Variants in MDGA2 observed in about 807,000 individuals in gnomAD.
The protein encoded by MDGA2 is MAM domain containing glycosylphosphatidylinositol anchor 2.
MDGA2 carries 40 observed loss-of-function variants against 117.8 expected under a neutral mutation model. The observed-to-expected ratio is 0.34, with a 90% CI of 0.26 to 0.44. MDGA2 has a LOEUF of 0.44. Ranked by LOEUF, MDGA2 falls within the 20% of genes least tolerant of loss-of-function variation. The probability of loss-of-function intolerance (pLI) is 1.00; values close to 1 mark genes in which losing one functional copy is unlikely to be tolerated. For synonymous variants in MDGA2, 452 were observed against 439.0 expected (o/e 1.03, Z -0.37); for missense variants, 1,123 against 1,250.6 (o/e 0.90, Z 1.54).
At chr14:47,420,327 G>A (rs1396689196) in intron 1 of MDGA2, among the ~76,000 whole-genome samples, 5 of 152,096 alleles carry the variant, frequency 3.3e-5, no homozygotes, top group Non-Finnish European at 4.4e-5. Flanking sequence ...AAATGTGGAA[G>A]GAATGAGATA....
In MDGA2 at chr14:47,540,540, G is replaced by GTGTGTGTGTGTGTGTGTATATA; in HGVS notation, c.280+133976_280+133977insTATATACACACACACACACACA. Among the ~76,000 whole-genome samples, 390 of 79,132 alleles carry GTGTGTGTGTGTGTGTGTATATA rather than the reference G, an allele frequency of 4.9e-3. 4 individuals are homozygous for GTGTGTGTGTGTGTGTGTATATA. The highest frequency in any genetic ancestry group is 8.2e-3 in the Non-Finnish European group (296 of 35,948). The allele number at this position is 79,132 out of a possible 152,430, so 51.9% of individuals were successfully genotyped here. A position where few individuals can be genotyped will look rare whatever the true frequency, so the allele number is the denominator to read the frequency against. The stretch of plus-strand genomic sequence containing the variant: ...TGTATATGTGTGTGTGTGTGTGTGT[G>GTGTGTGTGTGTGTGTGTATATA]TATATATATATATGTATATATATAC... On this transcript the variant is annotated intron_variant, in intron 1 of 16. Coordinates refer to ENST00000399232, the MANE Select transcript of MDGA2 (RefSeq NM_001113498.3).
At chr14:47,389,297 AC>A (rs1163869161) in intron 1 of MDGA2, among the ~76,000 whole-genome samples, 1 of 152,196 alleles carries the variant, frequency 6.6e-6, no homozygotes, top group Non-Finnish European at 1.5e-5. Context: ...GAACACATAA[AC>A]ATGTTGACTT....
chr14:47,582,215 A>G (rs1896241538), intron 1 of MDGA2, among the ~76,000 whole-genome samples: 1 of 151,866 alleles, frequency 6.6e-6, no homozygotes. Context: ...TCTAAGTAGG[A>G]TATGAGACAT....
intron 1 of MDGA2, among the ~76,000 whole-genome samples, chr14:47,468,261 A>C (rs959491982): frequency 6.6e-6 from 1 of 152,164 alleles, no homozygotes; most frequent in South Asian, 2.1e-4. Flanking sequence ...ATCGTAAAAA[A>C]TGTCTCAAAG....
At chr14:47,257,821 C>T (rs928102226) in intron 2 of MDGA2, among the ~76,000 whole-genome samples, 1 of 152,092 alleles carries the variant, frequency 6.6e-6, no homozygotes, top group African/African-American at 2.4e-5. Context: ...TGTTTTGTAG[C>T]ACTGGTCTCC....
chr14:46,898,853 A>C (rs1050428726), intron 10 of MDGA2, among the ~76,000 whole-genome samples: 7 of 152,148 alleles, frequency 4.6e-5, no homozygotes, highest in African/African-American at 1.7e-4. Context: ...GATGGCATCA[A>C]CAAAAATAAT....
chr14:47,158,363 G>T lies in MDGA2; in HGVS notation c.596-14089C>A, dbSNP rs10150970. 9.6e-3 allele frequency among the ~76,000 whole-genome samples: 1,405 copies of T among 146,738 alleles called. 19 individuals carry two copies. Among genetic ancestry groups the T allele is most frequent in the East Asian group, 0.043 (210 of 4,912 alleles). On this transcript the variant is annotated intron_variant, in intron 3 of 16. Coordinates refer to ENST00000399232, the MANE Select transcript of MDGA2 (RefSeq NM_001113498.3). Reference sequence around the variant, plus strand: ...TTTCTCAGAACATATCCCTGGGGTGGGTGTGTGTGTGTGTGTGTGTGTGTG... The same window carrying T: ...TTTCTCAGAACATATCCCTGGGGTGTGTGTGTGTGTGTGTGTGTGTGTGTG...
chr14:46,861,972 T>A (rs1479565759), intron 14 of MDGA2, among the ~76,000 whole-genome samples: 1 of 151,980 alleles, frequency 6.6e-6, no homozygotes, highest in Non-Finnish European at 1.5e-5. Context: ...CACATTATAG[T>A]ATTATAGTAA....
chr14:47,140,313 A>G (rs1882662910), intron 4 of MDGA2, among the ~76,000 whole-genome samples: 1 of 152,086 alleles, frequency 6.6e-6, no homozygotes, highest in Admixed American at 6.6e-5. Context: ...GAAATTCTTC[A>G]CAGATATTGG....
At chr14:47,596,940 C>A (rs1896554200) in intron 1 of MDGA2, among the ~76,000 whole-genome samples, 1 of 152,042 alleles carries the variant, frequency 6.6e-6, no homozygotes. Context: ...GTAGATAAGC[C>A]CATTCTGTAA....
At chr14:47,186,537 T>G (rs1294810552) in intron 3 of MDGA2, among the ~76,000 whole-genome samples, 1 of 151,900 alleles carries the variant, frequency 6.6e-6, no homozygotes, top group Admixed American at 6.6e-5. Context: ...CTACATGCTT[T>G]GTGAAAATTA....
At chr14:47,075,696 G>GATAAAGTAAATAGA in intron 6 of MDGA2, among the ~76,000 whole-genome samples, 1 of 152,180 alleles carries the variant, frequency 6.6e-6, no homozygotes, top group East Asian at 1.9e-4. Context: ...TATAAAGAAT[G>GATAAAGTAAATAGA]ATAAAGTAAA....
chr14:46,850,023 C>T (rs1880998206), intron 15 of MDGA2, among the ~76,000 whole-genome samples: 1 of 151,772 alleles, frequency 6.6e-6, no homozygotes, highest in South Asian at 2.1e-4. Context: ...AATTATTTCC[C>T]TTAATTGAAA....
chr14:47,603,033 T>C (rs915217297), intron 1 of MDGA2, among the ~76,000 whole-genome samples: 3 of 152,124 alleles, frequency 2.0e-5, no homozygotes, highest in African/African-American at 4.8e-5. Context: ...ACACAAAGCC[T>C]TGGGAGCCTG....
At chr14:47,275,219 A>G (rs1472826711) in intron 2 of MDGA2, among the ~76,000 whole-genome samples, 1 of 152,198 alleles carries the variant, frequency 6.6e-6, no homozygotes, top group Non-Finnish European at 1.5e-5. Flanking sequence ...GCGAACAAGC[A>G]ATGTCATGTA....
intron 1 of MDGA2, among the ~76,000 whole-genome samples, chr14:47,411,106 A>G (rs1239534740): frequency 6.6e-6 from 1 of 152,182 alleles, no homozygotes; most frequent in Non-Finnish European, 1.5e-5. Context: ...GAGGAAAAGT[A>G]TATCTCTTCT....
In MDGA2 at chr14:46,840,136, A is replaced by G. The variant is rs1298512026; in HGVS notation, c.*1795T>C. The G allele has an allele frequency of 6.6e-6, 1 of 152,498 alleles. No homozygotes were observed. The highest frequency in any genetic ancestry group is 1.5e-5 in the Non-Finnish European group (1 of 67,950). 9.4% of individuals were successfully genotyped at this position (152,498 alleles called of 1,614,324 possible). ...CTTTATTGAACATAGCTGTAAAATT[A>G]TATTTTAAGTTGAATTACTGAATTT... is the stretch of plus-strand genomic sequence containing the variant. On this transcript the variant is annotated 3_prime_UTR_variant, in exon 17 of 17. Transcript: ENST00000399232.
At chr14:47,371,493 C>T (rs1315019647) in intron 1 of MDGA2, among the ~76,000 whole-genome samples, 1 of 151,434 alleles carries the variant, frequency 6.6e-6, no homozygotes, top group Non-Finnish European at 1.5e-5. Flanking sequence ...ATCTCCTTAC[C>T]CCAGGCACAT....
Position 47,387,764 on chromosome 14 carries a change from G to A in MDGA2, c.281-86214C>T, listed in dbSNP as rs557659600. ...ACTTAACTGACATACTCTAGACCCT[G>A]CATAGAATGGATATGACAACTTTGA... is the stretch of plus-strand genomic sequence containing the variant. On this transcript the variant is annotated intron_variant, in intron 1 of 16. Transcript: ENST00000399232. 5.3e-5 allele frequency among the ~76,000 whole-genome samples: 8 copies of A among 152,252 alleles called. No individual in the cohort carries two copies. The South Asian group carries it at 1.0e-3, about 20-fold the overall frequency.
Sources: gnomAD v4.1 joint callset for allele counts (sites outside exome capture counted in the v4.1 genomes callset) on GRCh38, gnomAD v4.1.1 for gene constraint, MANE v1.5 for transcripts, NCBI Gene and HGNC (gene_info 2026-07-23, HGNC 2026-07-21) for gene names.